GPR162: variants seen among roughly 807,000 people sequenced by gnomAD.
GPR162 encodes G protein-coupled receptor 162.
GPR162 carries 26 observed loss-of-function variants against 44.9 expected under a neutral mutation model. That is an observed-to-expected ratio of 0.58 (90% confidence interval 0.42 to 0.80). The LOEUF (loss-of-function observed/expected upper bound fraction) is 0.80, where lower values mean the gene tolerates loss of function less well. Among genes scored for constraint, GPR162 ranks in the 30% least tolerant of loss-of-function variants. The pLI, the probability that GPR162 is intolerant of heterozygous loss-of-function variation, is 0.00. For missense variants in GPR162, 704 were observed against 802.3 expected (o/e 0.88, Z 1.48); for synonymous variants, 363 against 335.2 (o/e 1.08, Z -0.91).
chr12:6,827,224 A>C lies in GPR162; in HGVS notation c.*20A>C, dbSNP rs782412243. The C allele has an allele frequency of 1.3e-6, 2 of 1,565,452 alleles. No individual in the cohort carries two copies. Among genetic ancestry groups the C allele is most frequent in the African/African-American group, 2.7e-5 (2 of 73,392 alleles). On this transcript the variant is annotated 3_prime_UTR_variant, in exon 5 of 5. Transcript: ENST00000311268. ...CTGTGAGCCCAAGCAGGCCTGCTGA[A>C]CTCAGAGGAGAAAGCCTGAGTGAGT...
intron 2 of GPR162, chr12:6,825,064 C>G (rs979737941): frequency 2.3e-5 from 14 of 615,390 alleles, no homozygotes; most frequent in Middle Eastern, 5.1e-4. Context: ...ATCCATCCTG[C>G]AGCTCCACGG....
intron 3 of GPR162, 98 bp downstream of exon 3, chr12:6,825,771 C>G: frequency 9.5e-7 from 1 of 1,050,628 alleles, no homozygotes; most frequent in South Asian, 1.5e-5. Context: ...CTGGAGTGCC[C>G]CCTACTGGAC....
In GPR162 at chr12:6,824,378, C is replaced by T; in HGVS notation, c.480C>T (p.Gly160=). Residue 160 remains glycine (G), a synonymous_variant, in exon 2 of 5, where the codon GGC becomes GGT. Coordinates refer to ENST00000311268, the MANE Select transcript of GPR162 (RefSeq NM_019858.2). The part of the protein sequence containing the change: ...TLPSIGWHNN[G]ERYYARGCQF... ...CCTCCATTGGCTGGCACAACAACGG[C>T]GAGCGCTACTATGCCCGCGGCTGCC... The T allele has an allele frequency of 6.2e-7, 1 of 1,614,156 alleles. No individual in the cohort carries two copies. The highest frequency in any genetic ancestry group is 8.5e-7 in the Non-Finnish European group (1 of 1,180,030).
In GPR162 at chr12:6,823,744, A is replaced by G. The variant is rs1254111713; in HGVS notation, c.-155A>G. 2 of 1,612,694 alleles carry G rather than the reference A, an allele frequency of 1.2e-6. No homozygotes were observed. The highest frequency in any genetic ancestry group is 1.7e-6 in the Non-Finnish European group (2 of 1,179,212). On this transcript the variant is annotated 5_prime_UTR_variant, in exon 2 of 5. The change abolishes an upstream ATG in the 5' untranslated region. Transcript: ENST00000311268. The stretch of plus-strand genomic sequence containing the variant: ...ACATCTGCCCTCAGCTGGGTCCATC[A>G]TGCAATGCTGAGCACTGGGGTGAGC...
At chr12:6,825,311 G>C in intron 2 of GPR162, 173 bp from the exon 3 acceptor site, 1 of 603,344 alleles carries the variant, frequency 1.7e-6, no homozygotes, top group Non-Finnish European at 2.9e-6. Flanking sequence ...ACCTTCCTCT[G>C]AGTCAGTCCC....
rs782275323 is a variant in GPR162 at position 6,827,037 on chromosome 12, T to C, written c.1600T>C (p.Ser534Pro). Residue 534 changes from serine to proline, a missense_variant, in exon 5 of 5, where the codon TCA (serine) becomes CCA (proline). Ser to Pro is a moderately conservative substitution (Grantham distance 74). Coordinates refer to ENST00000311268, the MANE Select transcript of GPR162 (RefSeq NM_019858.2). ...SPRRPRPLGL[S>P]PRRLSLGSPE... ...TCGTCGGCCCCGGCCACTGGGCCTC[T>C]CACCCCGCCGACTCTCCCTTGGGTC... is the stretch of plus-strand genomic sequence containing the variant. The C allele has an allele frequency of 3.7e-6, 6 of 1,613,220 alleles. No individual in the cohort carries two copies. The highest frequency in any genetic ancestry group is 2.2e-5 in the South Asian group (2 of 91,086).
intron 1 of GPR162, 71 bp from the exon 2 acceptor site, chr12:6,823,397 G>A (rs1565506912): frequency 6.9e-6 from 2 of 288,690 alleles, no homozygotes; most frequent in Non-Finnish European, 1.3e-5. Flanking sequence ...GGGGGCACAG[G>A]AGGCTGATTG....
At chr12:6,823,027 T>C (rs1429912606) in intron 1 of GPR162, among the ~76,000 whole-genome samples, 1 of 152,182 alleles carries the variant, frequency 6.6e-6, no homozygotes. Context: ...GACCCCTGCA[T>C]CCAGGAGACC....
In GPR162 at chr12:6,824,124, C is replaced by T; in HGVS notation, c.226C>T (p.Arg76Cys). 4 of 1,613,972 alleles carry T rather than the reference C, an allele frequency of 2.5e-6. No homozygotes were observed. The highest frequency in any genetic ancestry group is 2.2e-5 in the East Asian group (1 of 44,892). The change falls in exon 2 of 5, where the codon CGT (arginine) becomes TGT (cysteine). Residue 76 changes from arginine to cysteine, a missense_variant. Physicochemically the swap from Arg to Cys is radical, Grantham distance 180. Coordinates refer to ENST00000311268, the MANE Select transcript of GPR162 (RefSeq NM_019858.2). Reference sequence around the variant, plus strand: ...CACCACCTTTGCCGTGGTGCAGCTGCGTCGTCAGGCTTCCTCCGACTATGA... The same window carrying T: ...CACCACCTTTGCCGTGGTGCAGCTGTGTCGTCAGGCTTCCTCCGACTATGA... Reference protein sequence around the residue: ...PLTTFAVVQLRRQASSDYDWN... With the variant: ...PLTTFAVVQLCRQASSDYDWN...
chr12:6,824,460 C>T lies in GPR162; in HGVS notation c.562C>T (p.Leu188Phe). ...GFGVCFSLLL[L>F]GGIVMGLVCV... ...TGGCGTTTGCTTCAGCCTCTTGCTA[C>T]TTGGGGGAATTGTCATGGGTCTGGT... The change falls in exon 2 of 5, where the codon CTT becomes TTT. Residue 188 changes from leucine to phenylalanine, a missense_variant. Coordinates refer to ENST00000311268, the MANE Select transcript of GPR162 (RefSeq NM_019858.2). 6.2e-7 allele frequency: 1 copy of T among 1,613,876 alleles called. No homozygotes were observed. The highest frequency in any genetic ancestry group is 1.3e-5 in the African/African-American group (1 of 74,934).
Position 6,826,930 on chromosome 12 carries a change from C to T in GPR162, c.1493C>T (p.Pro498Leu). Reference sequence around the variant, plus strand: ...TCAGGTGGGGGACCCCCACGGGGTCCTGGCTTCTTCCGGGAGGAGATCACC... The same window carrying T: ...TCAGGTGGGGGACCCCCACGGGGTCTTGGCTTCTTCCGGGAGGAGATCACC... ...LGSGGGPPRGPGFFREEITTF... is the reference protein window; with the variant it reads ...LGSGGGPPRGLGFFREEITTF... Residue 498 changes from proline to leucine, a missense_variant, in exon 5 of 5, where the codon CCT becomes CTT. Pro to Leu is a moderately conservative substitution (Grantham distance 98, BLOSUM62 -3). Coordinates refer to ENST00000311268, the MANE Select transcript of GPR162 (RefSeq NM_019858.2). 3.1e-6 allele frequency: 5 copies of T among 1,613,412 alleles called. No homozygotes were observed. The highest frequency in any genetic ancestry group is 1.3e-5 in the African/African-American group (1 of 75,062).
chr12:6,826,148 C>T lies in GPR162; in HGVS notation c.1058-48C>T, dbSNP rs200180181. On this transcript the variant is annotated intron_variant, in intron 3 of 4. Coordinates refer to ENST00000311268, the MANE Select transcript of GPR162 (RefSeq NM_019858.2). ...TTATAAAGGCAGTGGTGGGAGGCCG[C>T]GGTAGGCATTCCCTACCTGTAACCA... The T allele has an allele frequency of 4.8e-5, 71 of 1,492,118 alleles. No individual in the cohort carries two copies. In the Middle Eastern group the frequency reaches 6.4e-4, roughly 13 times the overall value. 92.4% of individuals were successfully genotyped at this position (1,492,118 alleles called of 1,614,324 possible). A position where few individuals can be genotyped will look rare whatever the true frequency, so the allele number is the denominator to read the frequency against.
At position 6,827,198 on chromosome 12, in the gene GPR162, C is replaced by CCAAG; in HGVS notation, c.1762_1763insAAGC (p.Leu588GlnfsTer19). On this transcript the variant is annotated frameshift_variant, in exon 5 of 5. Transcript: ENST00000311268. LOFTEE classifies it high-confidence loss of function. ...GCAACCCCATCTTTCCCCAGCTGAC[C>CCAAG]CTGTGAGCCCAAGCAGGCCTGCTGA... 6.2e-7 allele frequency: 1 copy of CCAAG among 1,603,676 alleles called. No homozygotes were observed. Among genetic ancestry groups the CCAAG allele is most frequent in the Non-Finnish European group, 8.5e-7 (1 of 1,174,898 alleles).
Position 6,824,111 on chromosome 12 carries a change from C to T in GPR162, c.213C>T (p.Ala71=), listed in dbSNP as rs782015029. The part of the protein sequence containing the change: ...LMAAVPLTTF[A]VVQLRRQASS... ...CAGCTGTGCCCCTCACCACCTTTGC[C>T]GTGGTGCAGCTGCGTCGTCAGGCTT... Residue 71 remains alanine, a synonymous_variant, in exon 2 of 5, where the codon GCC becomes GCT. Transcript: ENST00000311268. 16 of 1,613,810 alleles carry T rather than the reference C, an allele frequency of 9.9e-6. No homozygotes were observed. The highest frequency in any genetic ancestry group is 2.2e-5 in the East Asian group (1 of 44,902).
At position 6,824,113 on chromosome 12, in the gene GPR162, TG is replaced by T. The variant is rs1943318209; in HGVS notation, c.217del (p.Val73CysfsTer99). ...GCTGTGCCCCTCACCACCTTTGCCG[TG>T]GTGCAGCTGCGTCGTCAGGCTTCCT... Reference protein sequence around the residue: ...MAAVPLTTFAVVQLRRQASSD... With the variant: ...MAAVPLTTFAXVQLRRQASSD... On this transcript the variant is annotated frameshift_variant, in exon 2 of 5. Transcript: ENST00000311268. LOFTEE classifies it high-confidence loss of function. The T allele has an allele frequency of 6.2e-7, 1 of 1,613,852 alleles. No homozygotes were observed. Among genetic ancestry groups the T allele is most frequent in the Non-Finnish European group, 8.5e-7 (1 of 1,180,034 alleles).
rs782447176 is a variant in GPR162 at position 6,825,540 on chromosome 12, T to C, written c.924T>C (p.Ala308=). 1.2e-6 allele frequency: 2 copies of C among 1,612,178 alleles called. No homozygotes were observed. Among genetic ancestry groups the C allele is most frequent in the East Asian group, 2.2e-5 (1 of 44,820 alleles). The stretch of plus-strand genomic sequence containing the variant: ...CGGCGCCCCCCTGGATGGTGCTGGC[T>C]GTGCTGTGGTGCTCCATGGCACAGA... ...SDSAPPWMVL[A]VLWCSMAQTL... is the part of the protein sequence containing the mutation. The change falls in exon 3 of 5, where the codon GCT becomes GCC. Residue 308 remains alanine, a synonymous_variant. Coordinates refer to ENST00000311268, the MANE Select transcript of GPR162 (RefSeq NM_019858.2).
At position 6,822,778 on chromosome 12, in the gene GPR162, C is replaced by T. The variant is rs1162982296; in HGVS notation, c.-431-690C>T. On this transcript the variant is annotated intron_variant, in intron 1 of 4. Transcript: ENST00000311268. The surrounding 1 kb of genome is among the most constrained non-coding windows in gnomAD (Gnocchi z 4.2). ...AAGCCTCCTCTCCAGGGGGTTTGAG[C>T]TTTTCCTGCTATTTTCAGATACTAC... 2.7e-5 allele frequency among the ~76,000 whole-genome samples: 4 copies of T among 149,418 alleles called. No homozygotes were observed. The East Asian group carries it at 8.3e-4, about 31-fold the overall frequency.
intron 3 of GPR162, 120 bp downstream of exon 3, chr12:6,825,793 C>T: frequency 1.2e-6 from 1 of 821,138 alleles, no homozygotes; most frequent in Non-Finnish European, 1.9e-6. Context: ...GAATCTGCAC[C>T]ACCCTGGGCT....
rs781896144 is a variant in GPR162, at chr12:6,827,069, G to A, written c.1632G>A (p.Glu544=). Reference sequence around the variant, plus strand: ...GCCGACTCTCCCTTGGGTCCCCTGAGAGCAGAGCCGTTGGACTTCCTTTGG... The same window carrying A: ...GCCGACTCTCCCTTGGGTCCCCTGAAAGCAGAGCCGTTGGACTTCCTTTGG... The part of the protein sequence containing the change: ...SPRRLSLGSP[E]SRAVGLPLGL... The change falls in exon 5 of 5, where the codon GAG becomes GAA. Residue 544 remains glutamate, a synonymous_variant. Transcript: ENST00000311268. 2 of 1,613,470 alleles carry A rather than the reference G, an allele frequency of 1.2e-6. No homozygotes were observed. Among genetic ancestry groups the A allele is most frequent in the South Asian group, 1.1e-5 (1 of 91,084 alleles).
Sources: gnomAD v4.1 joint callset for allele counts (sites outside exome capture counted in the v4.1 genomes callset) on GRCh38, gnomAD v4.1.1 for gene constraint, Gnocchi (gnomAD v3.1) non-coding constraint, MANE v1.5 for transcripts, NCBI Gene and HGNC (gene_info 2026-07-23, HGNC 2026-07-21) for gene names.